Variants in NEO1 observed in about 807,000 individuals in gnomAD.
NEO1 encodes the protein neogenin.
A neutral mutation model predicts 159.7 loss-of-function variants in NEO1; 63 were observed. The ratio of observed to expected loss-of-function variants is 0.39; its 90% CI spans 0.32 to 0.49. The LOEUF (loss-of-function observed/expected upper bound fraction) is 0.49, where lower values mean the gene tolerates loss of function less well. Among genes scored for constraint, NEO1 ranks in the 20% least tolerant of loss-of-function variants. The pLI is 0.85. For missense variants in NEO1, 1,615 were observed against 1,831.0 expected (o/e 0.88, Z 2.15); for synonymous variants, 633 against 662.0 (o/e 0.96, Z 0.67).
rs906854974 is a variant in NEO1, at chr15:73,106,273, A to T, written c.131-10267A>T. Among the ~76,000 whole-genome samples the T allele has an allele frequency of 3.0e-4, 45 of 152,212 alleles. 1 individual carries two copies. Among genetic ancestry groups the T allele is most frequent in the African/African-American group, 1.0e-3 (42 of 41,460 alleles). On this transcript the variant is annotated intron_variant, in intron 1 of 28. Coordinates refer to ENST00000261908, the MANE Select transcript of NEO1 (RefSeq NM_002499.4). ...AGAGAACTTGATTATTTTAAAACAC[A>T]TTAATGAAGGGTAACATAGGCCAGT...
intron 7 of NEO1, among the ~76,000 whole-genome samples, chr15:73,233,593 G>A (rs544365084): frequency 2.0e-5 from 3 of 152,240 alleles, no homozygotes; most frequent in Non-Finnish European, 2.9e-5. Context: ...TTATAGATTC[G>A]TGGAAGTAAT....
chr15:73,260,175 A>G, intron 14 of NEO1, 96 bp from the exon 15 acceptor site: 3 of 1,151,326 alleles, frequency 2.6e-6, no homozygotes, highest in Non-Finnish European at 3.7e-6. Flanking sequence ...TTAGCCCCAA[A>G]CAGTGTGGTA....
At chr15:73,197,681 C>CTTTTTTT (rs34893810) in intron 7 of NEO1, among the ~76,000 whole-genome samples, 1 of 132,378 alleles carries the variant, frequency 7.6e-6, no homozygotes, top group Non-Finnish European at 1.6e-5. Flanking sequence ...TTATACCTAC[C>CTTTTTTT]TTTTTTTTTT....
chr15:73,243,179 G>C (rs1456611088), intron 8 of NEO1, among the ~76,000 whole-genome samples: 2 of 151,524 alleles, frequency 1.3e-5, no homozygotes, highest in African/African-American at 4.8e-5. Context: ...TGTAAATATT[G>C]TGTGGGTACT....
At chr15:73,166,036 C>T (rs1208832907) in intron 5 of NEO1, among the ~76,000 whole-genome samples, 1 of 152,096 alleles carries the variant, frequency 6.6e-6, no homozygotes, top group Admixed American at 6.5e-5. Flanking sequence ...GTGCAAGTTC[C>T]CTTATCTGTG....
chr15:73,201,493 T>G (rs2152056463), intron 7 of NEO1, among the ~76,000 whole-genome samples: 1 of 152,320 alleles, frequency 6.6e-6, no homozygotes, highest in Non-Finnish European at 1.5e-5. Flanking sequence ...GTTGTCTATC[T>G]TGGTGAATTT....
chr15:73,289,200 C>A lies in NEO1; in HGVS notation c.3704C>A (p.Pro1235Gln), dbSNP rs763160271. 2 of 1,614,026 alleles carry A rather than the reference C, an allele frequency of 1.2e-6. No individual in the cohort carries two copies. The highest frequency in any genetic ancestry group is 1.7e-6 in the Non-Finnish European group (2 of 1,180,000). The change falls in exon 25 of 29, where the codon CCA (proline) becomes CAA (glutamine). Residue 1235 changes from proline to glutamine, a missense_variant. This residue lies in a region of NEO1 where 471 missense variants were observed against 498.9 expected (regional missense o/e 0.94). Transcript: ENST00000261908. ...CTGGCTGGAAGGCGAGGAATGAGAC[C>A]AAAAATGATGATGCCCTTTGACTCC... ...STLAGRRGMRPKMMMPFDSQP... is the reference protein window; with the variant it reads ...STLAGRRGMRQKMMMPFDSQP...
intron 5 of NEO1, among the ~76,000 whole-genome samples, chr15:73,175,720 A>G (rs1393752707): frequency 6.6e-6 from 1 of 152,204 alleles, no homozygotes; most frequent in South Asian, 2.1e-4. Flanking sequence ...AAATTATATC[A>G]TTAGGTAGGA....
chr15:73,274,712 C>G lies in NEO1; in HGVS notation c.3181C>G (p.Pro1061Ala), dbSNP rs1384662966. ...TPKADSSDKM[P>A]NDQASGSGGK... The stretch of plus-strand genomic sequence containing the variant: ...GTTAGCGGACTCCTCTGATAAAATG[C>G]CTAATGATCAAGGTAAATGAGTAGA... Residue 1061 changes from proline (P) to alanine (A), a missense_variant, in exon 21 of 29, where the codon CCT (proline) becomes GCT (alanine). Pro to Ala is a conservative substitution (Grantham distance 27). This residue lies in a region of NEO1 where 126 missense variants were observed against 216.7 expected (regional missense o/e 0.58). Transcript: ENST00000261908. 2.5e-6 allele frequency: 4 copies of G among 1,613,646 alleles called. No homozygotes were observed. Among genetic ancestry groups the G allele is most frequent in the Non-Finnish European group, 3.4e-6 (4 of 1,179,874 alleles).
At chr15:73,277,021 TC>T (rs1168847231) in intron 21 of NEO1, among the ~76,000 whole-genome samples, 1 of 152,204 alleles carries the variant, frequency 6.6e-6, no homozygotes, top group Non-Finnish European at 1.5e-5. Flanking sequence ...TTCCATTTAA[TC>T]CTCACAACAG....
At chr15:73,119,743 A>C (rs1013688470) in intron 2 of NEO1, among the ~76,000 whole-genome samples, 6 of 152,172 alleles carry the variant, frequency 3.9e-5, no homozygotes, top group Admixed American at 6.5e-5. Flanking sequence ...ATTTTTTGAA[A>C]TCTCTTGTCT....
At chr15:73,258,900 T>C in intron 14 of NEO1, 24 bp downstream of exon 14, 1 of 1,579,448 alleles carries the variant, frequency 6.3e-7, no homozygotes, top group Non-Finnish European at 8.7e-7. Flanking sequence ...TTGGCAAGAC[T>C]GGAACACAAT....
chr15:73,136,875 A>C (rs1460937298), intron 5 of NEO1, among the ~76,000 whole-genome samples: 1 of 152,078 alleles, frequency 6.6e-6, no homozygotes, highest in Non-Finnish European at 1.5e-5. Context: ...CCAGATTGGT[A>C]GCTTTCAACC....
At chr15:73,053,310 G>C (rs1225356099) in intron 1 of NEO1, among the ~76,000 whole-genome samples, 1 of 152,130 alleles carries the variant, frequency 6.6e-6, no homozygotes, top group Non-Finnish European at 1.5e-5. Context: ...GACTCCTCGC[G>C]CGGGGATTGG....
At chr15:73,225,359 A>G (rs191928722) in intron 7 of NEO1, among the ~76,000 whole-genome samples, 2 of 152,274 alleles carry the variant, frequency 1.3e-5, no homozygotes, top group Admixed American at 6.5e-5. Flanking sequence ...GCGGGGTCCT[A>G]GAACTTCCAA....
chr15:73,115,354 T>C (rs1237460193), intron 1 of NEO1, among the ~76,000 whole-genome samples: 2 of 152,220 alleles, frequency 1.3e-5, no homozygotes, highest in African/African-American at 4.8e-5. Context: ...TCTTTTCTAA[T>C]ACCTGCTTGT....
intron 7 of NEO1, among the ~76,000 whole-genome samples, chr15:73,196,298 G>A (rs1300861455): frequency 1.3e-5 from 2 of 152,124 alleles, no homozygotes; most frequent in Non-Finnish European, 2.9e-5. Context: ...AGTATTTTGT[G>A]TTCATTTTAT....
At chr15:73,182,156 G>A (rs775444620) in intron 7 of NEO1, among the ~76,000 whole-genome samples, 8 of 152,164 alleles carry the variant, frequency 5.3e-5, no homozygotes, top group South Asian at 4.1e-4. Context: ...TCACTATCAC[G>A]AGAACAGCAC....
intron 25 of NEO1, among the ~76,000 whole-genome samples, chr15:73,291,224 T>C (rs551536088): frequency 6.6e-6 from 1 of 152,362 alleles, no homozygotes; most frequent in South Asian, 2.1e-4. Flanking sequence ...TATACTCTTA[T>C]TTGTTTGTTT....
Sources: allele counts gnomAD v4.1 joint callset (sites outside exome capture counted in the v4.1 genomes callset), GRCh38; gene constraint gnomAD v4.1.1; regional missense constraint gnomAD v4.1.1; transcripts MANE v1.5; gene names NCBI Gene and HGNC (gene_info 2026-07-23, HGNC 2026-07-21).